CSGALNACT1: variants seen among roughly 807,000 people sequenced by gnomAD.
The protein encoded by CSGALNACT1 is beta4GalNAcT-1.
In CSGALNACT1, 52 loss-of-function variants were observed where a neutral mutation model predicts 51.0. The observed-to-expected ratio is 1.02, with a 90% CI of 0.82 to 1.29. The LOEUF (loss-of-function observed/expected upper bound fraction) is 1.29, where lower values mean the gene tolerates loss of function less well. CSGALNACT1 is among the 50% of genes most tolerant of loss of function. CSGALNACT1 has a pLI of 0.00. For missense variants in CSGALNACT1, 935 were observed against 679.2 expected (o/e 1.38, Z -4.19); for synonymous variants, 341 against 254.4 (o/e 1.34, Z -3.24).
chr8:19,663,321 A>G (rs896073265), intron 1 of CSGALNACT1, among the ~76,000 whole-genome samples: 4 of 152,146 alleles, frequency 2.6e-5, no homozygotes, highest in South Asian at 4.1e-4. Flanking sequence ...GAAGGATACA[A>G]TACTACGAAA....
intron 1 of CSGALNACT1, among the ~76,000 whole-genome samples, chr8:19,653,867 T>C (rs532408284): frequency 6.6e-6 from 1 of 152,148 alleles, no homozygotes; most frequent in African/African-American, 2.4e-5. Context: ...TTCTATCCAA[T>C]ACCTACCCAC....
At chr8:19,605,948 C>T (rs1470845116), upstream of CSGALNACT1, among the ~76,000 whole-genome samples, 2 of 152,178 alleles carry the variant, frequency 1.3e-5, no homozygotes, top group Non-Finnish European at 2.9e-5. Flanking sequence ...AAGTTCTCCA[C>T]ATTTTAATGT....
Position 19,495,485 on chromosome 8 carries a change from A to G in CSGALNACT1, c.634+9716T>C, listed in dbSNP as rs1358484931. ...AGGGATGTAACTGTGAAATCCATCC[A>G]CAGTTCTAACTTTGAAAGTCAGAAT... On this transcript the variant is annotated intron_variant, in intron 4 of 9. Transcript: ENST00000454498. Among the ~76,000 whole-genome samples, 3 of 152,154 alleles carry G rather than the reference A, an allele frequency of 2.0e-5. No homozygotes were observed. The East Asian group carries it at 5.8e-4, about 29-fold the overall frequency.
chr8:19,486,433 C>A (rs1170876119), intron 4 of CSGALNACT1, among the ~76,000 whole-genome samples: 1 of 152,200 alleles, frequency 6.6e-6, no homozygotes, highest in African/African-American at 2.4e-5. Context: ...CAAATCCTCA[C>A]CCGGGTCTAT....
intron 1 of CSGALNACT1, among the ~76,000 whole-genome samples, chr8:19,654,090 T>C (rs1423142605): frequency 6.6e-6 from 1 of 152,204 alleles, no homozygotes; most frequent in African/African-American, 2.4e-5. Context: ...CCTTATTCAA[T>C]CATCACTGAA....
intron 6 of CSGALNACT1, among the ~76,000 whole-genome samples, chr8:19,433,759 T>A (rs1042451051): frequency 1.2e-4 from 19 of 152,248 alleles, no homozygotes; most frequent in Admixed American, 5.2e-4. Flanking sequence ...CACAACATCA[T>A]AAACTTTCTT....
upstream of CSGALNACT1, among the ~76,000 whole-genome samples, chr8:19,686,492 T>G (rs185997793): frequency 8.5e-5 from 13 of 152,256 alleles, no homozygotes; most frequent in Non-Finnish European, 1.3e-4. Context: ...TCCAGTGAAA[T>G]GCACCCAGCT....
At chr8:19,470,416 G>T (rs1049614787) in intron 4 of CSGALNACT1, among the ~76,000 whole-genome samples, 2 of 152,194 alleles carry the variant, frequency 1.3e-5, no homozygotes, top group African/African-American at 4.8e-5. Flanking sequence ...AGCGAGGCCA[G>T]AGAGCATGAA....
intron 3 of CSGALNACT1, among the ~76,000 whole-genome samples, chr8:19,572,365 G>A (rs1009467126): frequency 3.3e-5 from 5 of 152,108 alleles, no homozygotes; most frequent in African/African-American, 7.2e-5. Context: ...CAGCAGTATT[G>A]GAGGCTTAAC....
chr8:19,735,934 T>C (rs1002333886), intron 1 of CSGALNACT1, among the ~76,000 whole-genome samples: 13 of 152,246 alleles, frequency 8.5e-5, no homozygotes, highest in Non-Finnish European at 1.6e-4. Context: ...CTTCTTTTTA[T>C]ACAATCAATT....
chr8:19,534,168 G>A (rs988115695), intron 3 of CSGALNACT1, among the ~76,000 whole-genome samples: 3 of 152,142 alleles, frequency 2.0e-5, no homozygotes, highest in African/African-American at 7.2e-5. Context: ...AGTTGCATAT[G>A]AGGCCGGGTG....
chr8:19,550,203 C>G (rs981089931), intron 3 of CSGALNACT1, among the ~76,000 whole-genome samples: 2 of 152,048 alleles, frequency 1.3e-5, no homozygotes, highest in African/African-American at 4.8e-5. Flanking sequence ...CCAGGCTGGC[C>G]TCAAACTCCT....
At chr8:19,547,922 A>G (rs544330852) in intron 3 of CSGALNACT1, among the ~76,000 whole-genome samples, 1 of 152,286 alleles carries the variant, frequency 6.6e-6, no homozygotes, top group East Asian at 1.9e-4. Flanking sequence ...GGGGGTTGGT[A>G]GTTATTGATG....
At chr8:19,708,384 T>A (rs1389299756) in intron 1 of CSGALNACT1, among the ~76,000 whole-genome samples, 1 of 152,172 alleles carries the variant, frequency 6.6e-6, no homozygotes, top group Non-Finnish European at 1.5e-5. Context: ...ATCCATTGAT[T>A]AACAGCTACC....
rs2078937396 is a variant in CSGALNACT1 at position 19,513,690 on chromosome 8, A to G, written c.-296-7560T>C. 5.3e-5 allele frequency among the ~76,000 whole-genome samples: 8 copies of G among 152,074 alleles called. No individual in the cohort carries two copies. The South Asian group carries it at 1.7e-3, about 32-fold the overall frequency. On this transcript the variant is annotated intron_variant, in intron 3 of 9. Transcript: ENST00000454498. ...GTATTTTCACAAAGCTAGATGGTAG[A>G]CCTACCGCACACCTGGGCCATATGG...
chr8:19,633,302 C>T (rs2055556658), intron 1 of CSGALNACT1, among the ~76,000 whole-genome samples: 1 of 151,998 alleles, frequency 6.6e-6, no homozygotes, highest in Non-Finnish European at 1.5e-5. Context: ...CCTTTCCTTC[C>T]CTTTCTTACC....
intron 1 of CSGALNACT1, among the ~76,000 whole-genome samples, chr8:19,611,786 G>T (rs1050162934): frequency 6.6e-5 from 10 of 152,110 alleles, no homozygotes; most frequent in African/African-American, 1.7e-4. Context: ...AGCAGAAACG[G>T]TAAGTAGTAA....
intron 1 of CSGALNACT1, among the ~76,000 whole-genome samples, chr8:19,754,903 A>C (rs1192922660): frequency 6.6e-6 from 1 of 152,222 alleles, no homozygotes; most frequent in Non-Finnish European, 1.5e-5. Flanking sequence ...TAGGTAATAA[A>C]GTCTACCCTA....
chr8:19,657,636 A>C lies in CSGALNACT1; in HGVS notation c.-544+24837T>G, dbSNP rs150138862. 1.0e-3 allele frequency among the ~76,000 whole-genome samples: 158 copies of C among 152,346 alleles called. 1 individual carries two copies. In the East Asian group the frequency reaches 0.028, roughly 27 times the overall value. ...CCTTCCATGTGAAGAGAAAAAGTAAATCTCAATCTAGCATTGGTACTATGT... is the reference window on the plus strand; with the variant it reads ...CCTTCCATGTGAAGAGAAAAAGTAACTCTCAATCTAGCATTGGTACTATGT... On this transcript the variant is annotated intron_variant, in intron 1 of 9. Transcript: ENST00000332246.
Sources: gnomAD v4.1 joint callset for allele counts (sites outside exome capture counted in the v4.1 genomes callset) on GRCh38, gnomAD v4.1.1 for gene constraint, MANE v1.5 for transcripts, NCBI Gene and HGNC (gene_info 2026-07-23, HGNC 2026-07-21) for gene names.